Variants in CSGALNACT1 observed in about 807,000 individuals in gnomAD.
CSGALNACT1 encodes the protein chondroitin sulfate N-acetylgalactosaminyltransferase 1.
CSGALNACT1 carries 52 observed loss-of-function variants against 51.0 expected under a neutral mutation model. The ratio of observed to expected loss-of-function variants is 1.02; its 90% confidence interval spans 0.82 to 1.29. The LOEUF (loss-of-function observed/expected upper bound fraction) is 1.29. Among genes scored for constraint, CSGALNACT1 ranks in the 50% most tolerant of loss-of-function variants. CSGALNACT1 has a pLI of 0.00. For missense variants in CSGALNACT1, 935 were observed against 679.2 expected, an observed-to-expected ratio of 1.38 and a Z score of -4.19; for synonymous variants, 341 against 254.4, an observed-to-expected ratio of 1.34 and a Z score of -3.24.
In CSGALNACT1 at chr8:19,505,972, C is replaced by A. The variant is rs750902001; in HGVS notation, c.-138G>T. ...TGCTTGCATCCATTTCCTTCTAGAA[C>A]GAGTTCTGCCTCTTGGAGTTAACCA... is the stretch of plus-strand genomic sequence containing the variant. On this transcript the variant is annotated 5_prime_UTR_variant, in exon 4 of 10. Coordinates refer to ENST00000454498, the Ensembl canonical transcript of CSGALNACT1. 1.1e-5 allele frequency: 10 copies of A among 929,180 alleles called. No homozygotes were observed. The African/African-American group carries it at 1.6e-4, about 15-fold the overall frequency. 57.6% of individuals were successfully genotyped at this position (929,180 alleles called of 1,614,324 possible).
At chr8:19,404,830 A>G in exon 10 of CSGALNACT1, 1 of 454,536 alleles carries the variant, frequency 2.2e-6, no homozygotes, top group Non-Finnish European at 4.4e-6. Flanking sequence ...TGTAAAGCAG[A>G]AAGTGTCATT....
upstream of CSGALNACT1, among the ~76,000 whole-genome samples, chr8:19,605,300 G>C (rs963456256): frequency 1.3e-5 from 2 of 152,010 alleles, no homozygotes; most frequent in African/African-American, 4.8e-5. Flanking sequence ...GCCGGGCATG[G>C]TGGCAGGCAC....
intron 1 of CSGALNACT1, among the ~76,000 whole-genome samples, chr8:19,708,039 C>CA (rs1209455674): frequency 1.3e-5 from 2 of 151,932 alleles, no homozygotes; most frequent in Non-Finnish European, 1.5e-5. Context: ...ATATAAACAA[C>CA]AAAAAAACAC....
chr8:19,666,945 AAGAAAGAAAGAAAGAAAGAAAGAAAG>A (rs2059319301), intron 1 of CSGALNACT1, among the ~76,000 whole-genome samples: 1 of 15,274 alleles, frequency 6.5e-5, no homozygotes, highest in African/African-American at 3.7e-4. Context: ...GAGAGAGAAA[AAGAAAGAAAGAAAGAAAGAAAGAAAG>A]AAAGAAAGAA....
At chr8:19,562,185 A>G (rs1486532573) in intron 3 of CSGALNACT1, among the ~76,000 whole-genome samples, 1 of 152,188 alleles carries the variant, frequency 6.6e-6, no homozygotes, top group East Asian at 1.9e-4. Flanking sequence ...GGCTATATCA[A>G]ATAGAACCCA....
At chr8:19,721,710 C>G (rs925921891) in intron 1 of CSGALNACT1, among the ~76,000 whole-genome samples, 1 of 152,210 alleles carries the variant, frequency 6.6e-6, no homozygotes, top group Non-Finnish European at 1.5e-5. Context: ...GTCTTCTCAT[C>G]ATATCACATA....
chr8:19,426,169 T>C (rs185246636), intron 6 of CSGALNACT1, among the ~76,000 whole-genome samples: 36 of 152,210 alleles, frequency 2.4e-4, no homozygotes, highest in African/African-American at 7.2e-4. Context: ...GCTGAACAAA[T>C]GGAAAACACA....
intron 6 of CSGALNACT1, among the ~76,000 whole-genome samples, chr8:19,430,435 T>A (rs2059482241): frequency 6.6e-6 from 1 of 152,202 alleles, no homozygotes; most frequent in Non-Finnish European, 1.5e-5. Flanking sequence ...CACATGAATA[T>A]CCAGTCATCC....
rs140294459 is a variant in CSGALNACT1 at position 19,458,728 on chromosome 8, C to T, written c.635-86G>A. ...TTCAACCGAGATCTAGCACAGAATG[C>T]CTTTAAAAAGTGTTTAAGATGAAAT... is the stretch of plus-strand genomic sequence containing the variant. On this transcript the variant is annotated intron_variant, in intron 4 of 9. Coordinates refer to ENST00000454498, the Ensembl canonical transcript of CSGALNACT1. 1,279 of 1,258,654 alleles carry T rather than the reference C, an allele frequency of 1.0e-3. 11 individuals carry two copies. In the African/African-American group the frequency reaches 0.015, roughly 15 times the overall value. The allele number at this position is 1,258,654 out of a possible 1,614,324, so 78.0% of individuals were successfully genotyped here. A position where few individuals can be genotyped will look rare whatever the true frequency, so the allele number is the denominator to read the frequency against.
chr8:19,523,847 G>A (rs534936820), intron 3 of CSGALNACT1, among the ~76,000 whole-genome samples: 33 of 152,142 alleles, frequency 2.2e-4, no homozygotes, highest in Admixed American at 6.5e-4. Context: ...AGTCATTCGC[G>A]ATATAAACAA....
At chr8:19,739,880 T>C (rs2064205023) in intron 1 of CSGALNACT1, among the ~76,000 whole-genome samples, 1 of 152,218 alleles carries the variant, frequency 6.6e-6, no homozygotes, top group Non-Finnish European at 1.5e-5. Flanking sequence ...GTTACCGTTG[T>C]TCTTTCATTT....
chr8:19,440,698 G>A (rs908801730), intron 5 of CSGALNACT1, among the ~76,000 whole-genome samples: 1 of 151,818 alleles, frequency 6.6e-6, no homozygotes, highest in Admixed American at 6.6e-5. Context: ...ATTCAACATA[G>A]TGTTGGAAGT....
At chr8:19,556,998 G>T (rs1317264199) in intron 3 of CSGALNACT1, among the ~76,000 whole-genome samples, 1 of 146,518 alleles carries the variant, frequency 6.8e-6, no homozygotes, top group Non-Finnish European at 1.5e-5. Context: ...AAAAAAAAAA[G>T]TCTTCAACCT....
At chr8:19,516,598 CAAAT>C (rs1454456978) in intron 3 of CSGALNACT1, among the ~76,000 whole-genome samples, 1 of 152,244 alleles carries the variant, frequency 6.6e-6, no homozygotes, top group Non-Finnish European at 1.5e-5. Flanking sequence ...ACTATCCTGA[CAAAT>C]AATCCCCATC....
chr8:19,516,973 G>C (rs559520967), intron 3 of CSGALNACT1, among the ~76,000 whole-genome samples: 30 of 152,332 alleles, frequency 2.0e-4, no homozygotes, highest in African/African-American at 7.2e-4. Flanking sequence ...CTTTGGCCAT[G>C]ACCCACTGCC....
intron 1 of CSGALNACT1, among the ~76,000 whole-genome samples, chr8:19,615,523 A>C (rs1183346598): frequency 6.6e-6 from 1 of 152,270 alleles, no homozygotes; most frequent in African/African-American, 2.4e-5. Flanking sequence ...GTGTCTTCCA[A>C]ATCGTAAGAA....
intron 4 of CSGALNACT1, among the ~76,000 whole-genome samples, chr8:19,494,840 C>T (rs1047239928): frequency 7.2e-6 from 1 of 138,326 alleles, no homozygotes; most frequent in Non-Finnish European, 1.5e-5. Flanking sequence ...TTAGAAAGTC[C>T]ATTTCTTCCC....
rs1195308515 is a variant in CSGALNACT1, at chr8:19,442,686, T to C, written c.852-2755A>G. Among the ~76,000 whole-genome samples, 5 of 149,066 alleles carry C rather than the reference T, an allele frequency of 3.4e-5. No homozygotes were observed. In the South Asian group the frequency reaches 6.5e-4, roughly 19 times the overall value. The stretch of plus-strand genomic sequence containing the variant: ...TATACATATGTAACAAACCTGCACA[T>C]TGTGCACATGTACCCTAAAACTTAA... On this transcript the variant is annotated intron_variant, in intron 5 of 9. Transcript: ENST00000454498.
At chr8:19,613,242 A>C (rs533302601) in intron 1 of CSGALNACT1, among the ~76,000 whole-genome samples, 1 of 152,296 alleles carries the variant, frequency 6.6e-6, no homozygotes, top group Non-Finnish European at 1.5e-5. Context: ...ATTTTCAAAA[A>C]CATCCTGTTC....
Sources: gnomAD v4.1 joint callset for allele counts (sites outside exome capture counted in the v4.1 genomes callset) on GRCh38, gnomAD v4.1.1 for gene constraint, MANE v1.5 for transcripts, NCBI Gene and HGNC (gene_info 2026-07-23, HGNC 2026-07-21) for gene names.